Variants in EPB41L2 observed in about 807,000 individuals in gnomAD.
EPB41L2 encodes the protein erythrocyte membrane protein band 4.1 like 2, also known as band 4.1-like protein 2.
In EPB41L2, 43 loss-of-function variants were observed where a neutral mutation model predicts 113.0. The observed-to-expected ratio is 0.38, with a 90% CI of 0.30 to 0.49. The LOEUF (loss-of-function observed/expected upper bound fraction) is 0.49, where lower values mean the gene tolerates loss of function less well. Ranked by LOEUF, EPB41L2 falls within the 20% of genes least tolerant of loss-of-function variation. The pLI is 0.95. For missense variants in EPB41L2, 1,147 were observed against 1,223.4 expected (o/e 0.94, Z 0.93); for synonymous variants, 442 against 436.7 (o/e 1.01, Z -0.15).
intron 1 of EPB41L2, among the ~76,000 whole-genome samples, chr6:130,996,928 T>C (rs1163878489): frequency 6.6e-6 from 1 of 152,192 alleles, no homozygotes; most frequent in Non-Finnish European, 1.5e-5. Context: ...TGTAGGGTTT[T>C]CTCCCTTTAA....
At position 130,840,412 on chromosome 6, in the gene EPB41L2, T is replaced by C. The variant is rs1775098303; in HGVS notation, c.*192A>G. ...AAAACAAAATAATATATTAAATGCATGGGAGCAATATAGACCAGAGCTGGT... is the reference window on the plus strand; with the variant it reads ...AAAACAAAATAATATATTAAATGCACGGGAGCAATATAGACCAGAGCTGGT... On this transcript the variant is annotated 3_prime_UTR_variant, in exon 20 of 20. Transcript: ENST00000337057. 2 of 152,142 alleles carry C rather than the reference T, an allele frequency of 1.3e-5. No homozygotes were observed. The highest frequency in any genetic ancestry group is 4.1e-4 in the South Asian group (2 of 4,830). 9.4% of individuals were successfully genotyped at this position (152,142 alleles called of 1,614,324 possible). A position where few individuals can be genotyped will look rare whatever the true frequency, so the allele number is the denominator to read the frequency against.
intron 1 of EPB41L2, among the ~76,000 whole-genome samples, chr6:131,009,674 A>C (rs76207619): frequency 5.0e-5 from 7 of 141,198 alleles, no homozygotes; most frequent in Non-Finnish European, 6.2e-5. Context: ...CACCCCCACC[A>C]AAAAAAAAAA....
rs371905636 is a variant in EPB41L2, at chr6:131,052,322, C to A, written c.-15+10833G>T. 2.6e-5 allele frequency among the ~76,000 whole-genome samples: 4 copies of A among 151,948 alleles called. No individual in the cohort carries two copies. The South Asian group carries it at 8.3e-4, about 32-fold the overall frequency. ...AACTCCTAACTTTTTGTCAATGAAC[C>A]AAGATAGAAATATAGAGCCCAGAAA... On this transcript the variant is annotated intron_variant, in intron 1 of 19. Transcript: ENST00000337057.
At position 130,870,203 on chromosome 6, in the gene EPB41L2, T is replaced by C. The variant is rs181818210; in HGVS notation, c.2044-77A>G. 4.7e-4 allele frequency: 725 copies of C among 1,539,760 alleles called. 5 individuals are homozygous for C. The African/African-American group carries it at 8.0e-3, about 17-fold the overall frequency. On this transcript the variant is annotated intron_variant, in intron 14 of 19. Coordinates refer to ENST00000337057, the MANE Select transcript of EPB41L2 (RefSeq NM_001431.4). ...AACAACGGAAACCCAAATTAACCGA[T>C]GGCAGATTCATGTCATGGAGAAAAA...
intron 4 of EPB41L2, among the ~76,000 whole-genome samples, chr6:130,913,303 C>A (rs7754229): frequency 4.6e-5 from 7 of 152,334 alleles, no homozygotes; most frequent in Non-Finnish European, 8.8e-5. Flanking sequence ...TTACTTTCAA[C>A]CATCCAAAGA....
chr6:130,920,336 G>A (rs1051131021), intron 4 of EPB41L2, among the ~76,000 whole-genome samples: 32 of 152,208 alleles, frequency 2.1e-4, no homozygotes, highest in Admixed American at 2.6e-4. Context: ...GCTAATGGCT[G>A]CCATGCTGGA....
chr6:131,001,713 T>C (rs1211022249), intron 1 of EPB41L2, among the ~76,000 whole-genome samples: 1 of 152,132 alleles, frequency 6.6e-6, no homozygotes, highest in Non-Finnish European at 1.5e-5. Flanking sequence ...TATTTCTTGA[T>C]CTCTTTCCAT....
intron 12 of EPB41L2, chr6:130,882,372 T>C (rs1028991044): frequency 1.3e-5 from 2 of 152,506 alleles, no homozygotes; most frequent in African/African-American, 4.8e-5. Context: ...CACTAAAATA[T>C]TGTGTGTGTG....
rs1307272471 is a variant in EPB41L2 at position 130,839,638 on chromosome 6, C to T, written c.*966G>A. ...AAACTATCTGAAAGAGATAGGCCTGCTCAATAACAAAAGGTAAGTTTTACA... is the reference window on the plus strand; with the variant it reads ...AAACTATCTGAAAGAGATAGGCCTGTTCAATAACAAAAGGTAAGTTTTACA... On this transcript the variant is annotated 3_prime_UTR_variant, in exon 20 of 20. Coordinates refer to ENST00000337057, the MANE Select transcript of EPB41L2 (RefSeq NM_001431.4). 1 of 152,134 alleles carries T rather than the reference C, an allele frequency of 6.6e-6. No individual in the cohort carries two copies. Among genetic ancestry groups the T allele is most frequent in the Non-Finnish European group, 1.5e-5 (1 of 68,034 alleles). 9.4% of individuals were successfully genotyped at this position (152,134 alleles called of 1,614,324 possible). A position where few individuals can be genotyped will look rare whatever the true frequency, so the allele number is the denominator to read the frequency against.
In EPB41L2 at chr6:130,839,759, A is replaced by G. The variant is rs750038615; in HGVS notation, c.*845T>C. ...ATGTGGGTATGTTAAGAAAGAAAGC[A>G]CTAAGGTTTTAAGCTGCCTGAATCT... On this transcript the variant is annotated 3_prime_UTR_variant, in exon 20 of 20. Coordinates refer to ENST00000337057, the MANE Select transcript of EPB41L2 (RefSeq NM_001431.4). The G allele has an allele frequency of 2.0e-5, 3 of 152,258 alleles. No individual in the cohort carries two copies. Among genetic ancestry groups the G allele is most frequent in the Non-Finnish European group, 4.4e-5 (3 of 68,052 alleles). 9.4% of individuals were successfully genotyped at this position (152,258 alleles called of 1,614,324 possible). A position where few individuals can be genotyped will look rare whatever the true frequency, so the allele number is the denominator to read the frequency against.
rs538206789 is a variant in EPB41L2, at chr6:130,956,019, G to A, written c.467C>T (p.Pro156Leu). 3.7e-6 allele frequency: 6 copies of A among 1,612,364 alleles called. No homozygotes were observed. Among genetic ancestry groups the A allele is most frequent in the East Asian group, 2.2e-5 (1 of 44,876 alleles). ...CTGCATCTCCACTTTGCTCACTGAG[G>A]GTTTTTCTTCCTTGCTCACTGAGGG... ...EKPSVSKEEK[P>L]SVSKVEMQPT... Residue 156 changes from proline (P) to leucine (L), a missense_variant, in exon 2 of 20, where the codon CCC (proline) becomes CTC (leucine). By Grantham distance (98) the Pro-to-Leu change is moderately conservative (BLOSUM62 -3). Transcript: ENST00000337057.
intron 3 of EPB41L2, among the ~76,000 whole-genome samples, chr6:130,929,683 C>T (rs1213499230): frequency 6.6e-6 from 1 of 152,050 alleles, no homozygotes; most frequent in East Asian, 1.9e-4. Flanking sequence ...TATGTATCTA[C>T]CAATTTGGAC....
At chr6:130,937,821 G>GAAAGAAAAAA (rs1809372817) in intron 3 of EPB41L2, among the ~76,000 whole-genome samples, 2 of 129,818 alleles carry the variant, frequency 1.5e-5, no homozygotes, top group African/African-American at 6.8e-5. Flanking sequence ...ATCTCAAAAA[G>GAAAGAAAAAA]AAAAAAAAAA....
intron 1 of EPB41L2, among the ~76,000 whole-genome samples, chr6:131,004,512 A>G (rs762331004): frequency 3.3e-5 from 5 of 152,210 alleles, no homozygotes; most frequent in Non-Finnish European, 7.3e-5. Context: ...AACACACCTG[A>G]AAGTACTTGA....
chr6:130,944,162 TACACACACATACAC>T (rs1438286195), intron 3 of EPB41L2, among the ~76,000 whole-genome samples: 124 of 132,984 alleles, frequency 9.3e-4, no homozygotes, highest in African/African-American at 2.9e-3. Context: ...TATACGTACA[TACACACACATACAC>T]ACACACACAC....
intron 1 of EPB41L2, among the ~76,000 whole-genome samples, chr6:130,961,247 G>A (rs981454007): frequency 3.9e-5 from 6 of 152,146 alleles, no homozygotes; most frequent in African/African-American, 1.4e-4. Flanking sequence ...TGAACAGCCC[G>A]CCCATTAGAC....
intron 1 of EPB41L2, among the ~76,000 whole-genome samples, chr6:130,983,871 AT>A (rs1284050120): frequency 1.3e-5 from 2 of 151,896 alleles, no homozygotes; most frequent in East Asian, 1.9e-4. Context: ...GGCCACATAA[AT>A]TTTTTTTAAT....
chr6:131,015,788 T>G (rs1459027586), intron 1 of EPB41L2: 2 of 152,208 alleles, frequency 1.3e-5, no homozygotes, highest in Non-Finnish European at 2.9e-5. Context: ...TGAAGAGGGA[T>G]AGAGTGAGCT....
intron 3 of EPB41L2, among the ~76,000 whole-genome samples, chr6:130,933,630 T>A (rs1251900460): frequency 6.6e-6 from 1 of 152,096 alleles, no homozygotes; most frequent in Non-Finnish European, 1.5e-5. Context: ...AAATACATTA[T>A]TCAAAAATTA....
Sources: gnomAD v4.1 joint callset for allele counts (sites outside exome capture counted in the v4.1 genomes callset) on GRCh38, gnomAD v4.1.1 for gene constraint, MANE v1.5 for transcripts, NCBI Gene and HGNC (gene_info 2026-07-23, HGNC 2026-07-21) for gene names.